The following KPNB1 variants were observed in gnomAD, a reference collection of about 807,000 sequenced individuals.
The protein encoded by KPNB1 is importin subunit beta-1.
Under a neutral mutation model 113.0 loss-of-function variants are expected in KPNB1, and 7 were observed. The ratio of observed to expected loss-of-function variants is 0.06; its 90% confidence interval spans 0.04 to 0.12. The LOEUF is 0.12. KPNB1 is among the 10% of genes least tolerant of loss of function. KPNB1 has a pLI of 1.00. For missense variants in KPNB1, 400 were observed against 1,054.8 expected, an observed-to-expected ratio of 0.38 and a Z score of 8.60; for synonymous variants, 363 against 378.6, an observed-to-expected ratio of 0.96 and a Z score of 0.48.
Position 47,649,966 on chromosome 17 carries a change from TC to T in KPNB1, c.-276del. The T allele has an allele frequency of 7.6e-7, 1 of 1,318,042 alleles. No homozygotes were observed. Among genetic ancestry groups the T allele is most frequent in the Non-Finnish European group, 9.6e-7 (1 of 1,037,914 alleles). 81.6% of individuals were successfully genotyped at this position (1,318,042 alleles called of 1,614,324 possible). A position where few individuals can be genotyped will look rare whatever the true frequency, so the allele number is the denominator to read the frequency against. On this transcript the variant is annotated 5_prime_UTR_variant, in exon 1 of 22. Transcript: ENST00000290158. ...ACTCACAGCCTCCCTTCCTTCTTTCTCCCTCCGCCTCCCGAGCACCAGCGCG... is the reference window on the plus strand; with the variant it reads ...ACTCACAGCCTCCCTTCCTTCTTTCTCCTCCGCCTCCCGAGCACCAGCGCG...
At position 47,650,266 on chromosome 17, in the gene KPNB1, G is replaced by C. The variant is rs1356018637; in HGVS notation, c.22G>C (p.Glu8Gln). 7 of 1,602,636 alleles carry C rather than the reference G, an allele frequency of 4.4e-6. No individual in the cohort carries two copies. Among genetic ancestry groups the C allele is most frequent in the Non-Finnish European group, 5.1e-6 (6 of 1,175,082 alleles). Residue 8 changes from glutamate to glutamine, a missense_variant, in exon 1 of 22, where the codon GAG becomes CAG. This residue lies in a region of KPNB1 where 285 missense variants were observed against 627.0 expected (regional missense o/e 0.45). Transcript: ENST00000290158. MELITILEKTVSPDRLEL... is the reference protein window; with the variant it reads MELITILQKTVSPDRLEL... ...CGCCATGGAGCTGATCACCATTCTC[G>C]AGAAGACCGTGTCTCCCGGTAGGAC...
intron 15 of KPNB1, among the ~76,000 whole-genome samples, chr17:47,676,171 A>G (rs555064619): frequency 4.0e-4 from 61 of 152,268 alleles, no homozygotes; most frequent in Middle Eastern, 6.8e-3. Context: ...GTAAAGCCCT[A>G]TTCTGTGGAC....
intron 6 of KPNB1, 63 bp downstream of exon 6, chr17:47,661,241 AT>A (rs2030085499): frequency 5.0e-6 from 6 of 1,210,522 alleles, no homozygotes; most frequent in African/African-American, 1.5e-5. Context: ...CAAATCTAAT[AT>A]AAGTTTGAAA....
At chr17:47,676,965 T>A in intron 16 of KPNB1, 55 bp from the exon 17 acceptor site, 1 of 1,354,226 alleles carries the variant, frequency 7.4e-7, no homozygotes, top group Non-Finnish European at 1.1e-6. Context: ...AAATAATATC[T>A]TGCCCCAGCA....
chr17:47,682,547 T>C lies in KPNB1; in HGVS notation c.*143T>C, dbSNP rs1458636265. On this transcript the variant is annotated 3_prime_UTR_variant, in exon 22 of 22. Transcript: ENST00000290158. Reference sequence around the variant, plus strand: ...GAGTGAGGCTTGAAAACACACCACATTGAAAATCCTGCCACAGCAGCAGCC... The same window carrying C: ...GAGTGAGGCTTGAAAACACACCACACTGAAAATCCTGCCACAGCAGCAGCC... The C allele has an allele frequency of 8.8e-6, 6 of 678,462 alleles. No individual in the cohort carries two copies. Among genetic ancestry groups the C allele is most frequent in the African/African-American group, 3.6e-5 (2 of 55,402 alleles). 42.0% of individuals were successfully genotyped at this position (678,462 alleles called of 1,614,324 possible).
Position 47,677,064 on chromosome 17 carries a change from C to A in KPNB1, c.2040C>A (p.Ala680=). 1 of 1,614,010 alleles carries A rather than the reference C, an allele frequency of 6.2e-7. No homozygotes were observed. Among genetic ancestry groups the A allele is most frequent in the Non-Finnish European group, 8.5e-7 (1 of 1,179,992 alleles). The change falls in exon 17 of 22, where the codon GCC becomes GCA. Residue 680 remains alanine, a synonymous_variant. Coordinates refer to ENST00000290158, the MANE Select transcript of KPNB1 (RefSeq NM_002265.6). The part of the protein sequence containing the change: ...AVGLVGDLCR[A]LQSNIIPFCD... ...GCTTAGTGGGAGACTTGTGCCGTGCCCTGCAATCCAACATCATACCTTTCT... is the reference window on the plus strand; with the variant it reads ...GCTTAGTGGGAGACTTGTGCCGTGCACTGCAATCCAACATCATACCTTTCT...
Position 47,675,387 on chromosome 17 carries a change from TTG to T in KPNB1, c.1912+607_1912+608del, listed in dbSNP as rs61366843. On this transcript the variant is annotated intron_variant, in intron 15 of 21. Transcript: ENST00000290158. ...TTTTTTTTTTGTTTTTTTTTTTTGT[TTG>T]TTTTTTTTTTGAGACTTGTTCTGTT... Among the ~76,000 whole-genome samples the T allele has an allele frequency of 4.1e-3, 435 of 106,430 alleles. 30 individuals carry two copies. Among genetic ancestry groups the T allele is most frequent in the African/African-American group, 0.014 (314 of 22,942 alleles). 69.8% of individuals were successfully genotyped at this position (106,430 alleles called of 152,430 possible).
At chr17:47,680,246 C>T in intron 20 of KPNB1, 112 bp downstream of exon 20, 1 of 830,662 alleles carries the variant, frequency 1.2e-6, no homozygotes, top group Non-Finnish European at 2.0e-6. Context: ...ACTTTTTTGG[C>T]ACAGAGATTT....
intron 4 of KPNB1, 117 bp from the exon 5 acceptor site, chr17:47,658,391 C>A: frequency 9.1e-7 from 1 of 1,097,086 alleles, no homozygotes; most frequent in Non-Finnish European, 1.3e-6. Context: ...CAGATGCAAC[C>A]ATCCATTTTT....
intron 15 of KPNB1, among the ~76,000 whole-genome samples, chr17:47,675,616 A>G (rs975604167): frequency 6.6e-6 from 1 of 152,026 alleles, no homozygotes; most frequent in African/African-American, 2.4e-5. Context: ...AGATTGACAC[A>G]TCATGGTGCC....
Position 47,669,809 on chromosome 17 carries a change from G to C in KPNB1, c.1356G>C (p.Leu452=), listed in dbSNP as rs891081998. ...AAINDVYLAP[L]LQCLIEGLSA... ...TCAATGATGTCTACTTGGCTCCCCTGCTACAGTGTCTGATTGAGGGTCTCA... is the reference window on the plus strand; with the variant it reads ...TCAATGATGTCTACTTGGCTCCCCTCCTACAGTGTCTGATTGAGGGTCTCA... The change falls in exon 11 of 22, where the codon CTG becomes CTC. Residue 452 remains leucine, a synonymous_variant. Transcript: ENST00000290158. The C allele has an allele frequency of 4.3e-6, 7 of 1,614,122 alleles. No individual in the cohort carries two copies. The highest frequency in any genetic ancestry group is 1.3e-5 in the African/African-American group (1 of 75,036).
intron 12 of KPNB1, among the ~76,000 whole-genome samples, chr17:47,672,591 A>G (rs1316873053): frequency 6.6e-6 from 1 of 152,042 alleles, no homozygotes; most frequent in Non-Finnish European, 1.5e-5. Flanking sequence ...GGGTTTCACC[A>G]TGTTGACCAG....
chr17:47,682,467 C>G lies in KPNB1; in HGVS notation c.*63C>G, dbSNP rs760010314. 1 of 778,934 alleles carries G rather than the reference C, an allele frequency of 1.3e-6. No homozygotes were observed. Among genetic ancestry groups the G allele is most frequent in the Non-Finnish European group, 2.4e-6 (1 of 417,960 alleles). 48.3% of individuals were successfully genotyped at this position (778,934 alleles called of 1,614,324 possible). A position where few individuals can be genotyped will look rare whatever the true frequency, so the allele number is the denominator to read the frequency against. ...TGGAAATCTCCCATCTTTTGAAAAA[C>G]CTGGAAGTGAGGAGTGTGCACGGAT... On this transcript the variant is annotated 3_prime_UTR_variant, in exon 22 of 22. Transcript: ENST00000290158.
intron 4 of KPNB1, among the ~76,000 whole-genome samples, chr17:47,657,281 C>CT (rs2143101258): frequency 6.6e-6 from 1 of 152,296 alleles, no homozygotes; most frequent in East Asian, 1.9e-4. Context: ...AAACAGAAGT[C>CT]TATGTTTGAA....
chr17:47,661,195 A>G lies in KPNB1; in HGVS notation c.696+17A>G, dbSNP rs1330667844. 1.9e-6 allele frequency: 3 copies of G among 1,595,796 alleles called. No homozygotes were observed. The highest frequency in any genetic ancestry group is 2.6e-6 in the Non-Finnish European group (3 of 1,163,302). ...GATACGAGGGTAAGTGTGAGGTTAT[A>G]TGAAAAATCTGTCTTACATCTTTCT... On this transcript the variant is annotated intron_variant, in intron 6 of 21. Coordinates refer to ENST00000290158, the MANE Select transcript of KPNB1 (RefSeq NM_002265.6).
chr17:47,670,731 T>C lies in KPNB1; in HGVS notation c.1446T>C (p.Tyr482=), dbSNP rs772291143. The C allele has an allele frequency of 1.2e-5, 20 of 1,612,816 alleles. No homozygotes were observed. In the Admixed American group the frequency reaches 2.8e-4, roughly 23 times the overall value. Residue 482 remains tyrosine (Y), a synonymous_variant, in exon 12 of 22, where the codon TAT becomes TAC. Transcript: ENST00000290158. ...WAFSSLAEAA[Y]EAADVADDQE... The stretch of plus-strand genomic sequence containing the variant: ...TCTCCAGTCTGGCTGAAGCTGCTTA[T>C]GAAGCTGCAGACGTTGCTGATGATC...
Position 47,680,713 on chromosome 17 carries a change from G to T in KPNB1, c.2630+44G>T, listed in dbSNP as rs368846587. The T allele has an allele frequency of 1.9e-6, 3 of 1,579,772 alleles. No homozygotes were observed. In the East Asian group the frequency reaches 6.8e-5, roughly 36 times the overall value. On this transcript the variant is annotated intron_variant, in intron 21 of 21. Coordinates refer to ENST00000290158, the MANE Select transcript of KPNB1 (RefSeq NM_002265.6). ...TGTCCTCTTTCTTCTACTTCCTGGA[G>T]GAGGGGGGTATGTTTTCTTTAGGCC...
At chr17:47,652,568 CA>C (rs112388474) in intron 2 of KPNB1, 125 bp from the exon 3 acceptor site, 1,362 of 586,974 alleles carry the variant, frequency 2.3e-3, no homozygotes, top group South Asian at 4.6e-3. Context: ...ATGCTTATAT[CA>C]AAAAAAAATT....
chr17:47,672,856 C>T (rs890378416), intron 12 of KPNB1, among the ~76,000 whole-genome samples, 162 bp from the exon 13 acceptor site: 1 of 152,164 alleles, frequency 6.6e-6, no homozygotes, highest in Non-Finnish European at 1.5e-5. Flanking sequence ...GCCATTGGCT[C>T]AAAGGACTTG....
Sources: gnomAD v4.1 joint callset for allele counts (sites outside exome capture counted in the v4.1 genomes callset) on GRCh38, gnomAD v4.1.1 for gene constraint, gnomAD v4.1.1 regional missense constraint, MANE v1.5 for transcripts, NCBI Gene and HGNC (gene_info 2026-07-23, HGNC 2026-07-21) for gene names.